The following SYNJ2 variants were observed in gnomAD, a reference collection of about 807,000 sequenced individuals.
SYNJ2 encodes the protein synaptojanin 2, also known as polyphosphatidylinositol phosphatase SYNJ2.
Under a neutral mutation model 141.3 loss-of-function variants are expected in SYNJ2, and 116 were observed. That is an observed-to-expected ratio of 0.82 (90% confidence interval 0.71 to 0.96). SYNJ2 has a LOEUF of 0.96. Among genes scored for constraint, SYNJ2 ranks in the 40% least tolerant of loss-of-function variants. SYNJ2 has a pLI of 0.00. For missense variants in SYNJ2, 1,873 were observed against 1,934.8 expected, an observed-to-expected ratio of 0.97 and a Z score of 0.60; for synonymous variants, 745 against 777.7, an observed-to-expected ratio of 0.96 and a Z score of 0.70.
Position 158,064,836 on chromosome 6 carries a change from T to C in SYNJ2, c.1370T>C (p.Leu457Pro). The C allele has an allele frequency of 9.3e-6, 15 of 1,608,444 alleles. No individual in the cohort carries two copies. The highest frequency in any genetic ancestry group is 1.2e-5 in the Non-Finnish European group (14 of 1,176,000). The change falls in exon 11 of 27, where the codon CTG becomes CCG. Residue 457 changes from leucine (L) to proline (P), a missense_variant. Transcript: ENST00000355585. Reference protein sequence around the residue: ...ALEGKAKVGKLKDGARSMSRT... With the variant: ...ALEGKAKVGKPKDGARSMSRT... Reference sequence around the variant, plus strand: ...CTGGGCTCTCGGCAGGTGGGGAAGCTGAAGGATGGAGCCCGGTCCATGTCT... The same window carrying C: ...CTGGGCTCTCGGCAGGTGGGGAAGCCGAAGGATGGAGCCCGGTCCATGTCT...
chr6:158,054,250 C>T (rs1780743024), intron 5 of SYNJ2, among the ~76,000 whole-genome samples: 1 of 152,006 alleles, frequency 6.6e-6, no homozygotes, highest in Admixed American at 6.6e-5. Flanking sequence ...TTCATTCATC[C>T]ATCCATCCAC....
At chr6:158,018,812 A>G (rs1778607783) in intron 2 of SYNJ2, among the ~76,000 whole-genome samples, 1 of 152,232 alleles carries the variant, frequency 6.6e-6, no homozygotes, top group African/African-American at 2.4e-5. Context: ...TCAGAAACTT[A>G]GTTGGGGTTT....
intron 16 of SYNJ2, among the ~76,000 whole-genome samples, chr6:158,076,299 T>C (rs1450850592): frequency 6.6e-6 from 1 of 152,094 alleles, no homozygotes; most frequent in Non-Finnish European, 1.5e-5. Flanking sequence ...GCACCAGGCA[T>C]GGGACTGTAA....
Position 158,017,287 on chromosome 6 carries a change from T to G in SYNJ2, c.211T>G (p.Ser71Ala). 1 of 1,612,742 alleles carries G rather than the reference T, an allele frequency of 6.2e-7. No individual in the cohort carries two copies. The highest frequency in any genetic ancestry group is 8.5e-7 in the Non-Finnish European group (1 of 1,179,570). ...YGCLGELRLK[S>A]GGTSLSFLVL... ...CTGCCTGGGGGAGCTGAGGCTGAAA[T>G]CTGGTGAGTAGCCGCTCGCTGGAGG... The change falls in exon 2 of 27, where the codon TCT becomes GCT. Residue 71 changes from serine (S) to alanine (A), a missense_variant. By Grantham distance (99) the Ser-to-Ala change is moderately conservative. Coordinates refer to ENST00000355585, the MANE Select transcript of SYNJ2 (RefSeq NM_003898.4).
At chr6:158,009,445 C>T (rs1483952411) in intron 1 of SYNJ2, among the ~76,000 whole-genome samples, 4 of 152,168 alleles carry the variant, frequency 2.6e-5, no homozygotes, top group Non-Finnish European at 5.9e-5. Flanking sequence ...GTCTCTGTCC[C>T]TGGAAGGGTG....
At chr6:158,006,525 T>G (rs766489152) in intron 1 of SYNJ2, among the ~76,000 whole-genome samples, 1 of 152,196 alleles carries the variant, frequency 6.6e-6, no homozygotes, top group Non-Finnish European at 1.5e-5. Flanking sequence ...TTCTTGTATC[T>G]TCTTGGTCAC....
chr6:158,067,945 CTCT>C, intron 12 of SYNJ2: 1 of 985,166 alleles, frequency 1.0e-6, no homozygotes, highest in East Asian at 1.1e-4. Context: ...AAAGTGACTC[CTCT>C]TCTTTTCCCT....
chr6:158,035,624 C>T (rs1278217022), intron 4 of SYNJ2, among the ~76,000 whole-genome samples: 2 of 152,122 alleles, frequency 1.3e-5, no homozygotes, highest in African/African-American at 4.8e-5. Flanking sequence ...TCCTCTCTTC[C>T]TATTGGGATG....
chr6:158,096,448 TA>T lies in SYNJ2; in HGVS notation c.*87del. ...CCCTCCACCAGAAGAGACATCTATT[TA>T]AAGGCACACTGGCCAAAACGTTTGT... is the stretch of plus-strand genomic sequence containing the variant. On this transcript the variant is annotated 3_prime_UTR_variant, in exon 27 of 27. Transcript: ENST00000355585. 1.4e-6 allele frequency: 2 copies of T among 1,466,238 alleles called. No individual in the cohort carries two copies. The highest frequency in any genetic ancestry group is 9.0e-7 in the Non-Finnish European group (1 of 1,105,452). 90.8% of individuals were successfully genotyped at this position (1,466,238 alleles called of 1,614,324 possible). A position where few individuals can be genotyped will look rare whatever the true frequency, so the allele number is the denominator to read the frequency against.
intron 1 of SYNJ2, among the ~76,000 whole-genome samples, chr6:158,005,547 C>T (rs1778036784): frequency 7.2e-6 from 1 of 138,290 alleles, no homozygotes; most frequent in Admixed American, 7.3e-5. Context: ...CCTGGTGAAA[C>T]CTCAGCCCTG....
intron 4 of SYNJ2, among the ~76,000 whole-genome samples, chr6:158,039,600 T>C (rs1419605683): frequency 6.6e-6 from 1 of 152,204 alleles, no homozygotes; most frequent in African/African-American, 2.4e-5. Context: ...CTCCATAAGC[T>C]TTGCTTATGG....
chr6:158,061,142 T>G (rs1416939110), intron 7 of SYNJ2, among the ~76,000 whole-genome samples: 1 of 152,186 alleles, frequency 6.6e-6, no homozygotes, highest in Non-Finnish European at 1.5e-5. Flanking sequence ...GGCAGTCACG[T>G]TGAGTCAGAT....
At chr6:158,057,594 A>G (rs1465099992) in intron 6 of SYNJ2, among the ~76,000 whole-genome samples, 1 of 152,236 alleles carries the variant, frequency 6.6e-6, no homozygotes, top group African/African-American at 2.4e-5. Context: ...TTGGGACAGC[A>G]TAGAGTAATG....
At chr6:158,066,699 AC>A in intron 12 of SYNJ2, 64 bp downstream of exon 12, 1 of 1,558,224 alleles carries the variant, frequency 6.4e-7, no homozygotes, top group Non-Finnish European at 8.7e-7. Flanking sequence ...GTCACGCTTG[AC>A]CCTTTAGTGG....
chr6:158,045,099 CTTTTTTTTTTTTTTTT>C (rs761042284), intron 5 of SYNJ2, among the ~76,000 whole-genome samples: 1 of 112,284 alleles, frequency 8.9e-6, no homozygotes, highest in South Asian at 3.7e-4. Context: ...AGGGGTCCTC[CTTTTTTTTTTTTTTTT>C]TTTTTTTTTT....
chr6:158,015,768 T>G (rs769464656), intron 1 of SYNJ2, among the ~76,000 whole-genome samples: 2 of 152,242 alleles, frequency 1.3e-5, no homozygotes, highest in Non-Finnish European at 2.9e-5. Flanking sequence ...ATTGCTATAC[T>G]ATAACATTTT....
intron 24 of SYNJ2, among the ~76,000 whole-genome samples, chr6:158,089,107 G>C (rs1446422406): frequency 6.6e-6 from 1 of 152,168 alleles, no homozygotes; most frequent in African/African-American, 2.4e-5. Context: ...AATTCAGGTC[G>C]TTATCCTGGG....
intron 16 of SYNJ2, 122 bp downstream of exon 16, chr6:158,074,860 T>C: frequency 8.3e-7 from 1 of 1,208,302 alleles, no homozygotes; most frequent in Non-Finnish European, 1.2e-6. Flanking sequence ...TCCAACATTG[T>C]AGAAAATAGG....
chr6:158,079,467 G>A (rs1411908302), intron 18 of SYNJ2: 6 of 151,604 alleles, frequency 4.0e-5, no homozygotes, highest in African/African-American at 9.7e-5. Context: ...CCACCCCCAG[G>A]GTATAAGTGA....
Sources: allele counts gnomAD v4.1 joint callset (sites outside exome capture counted in the v4.1 genomes callset), GRCh38; gene constraint gnomAD v4.1.1; transcripts MANE v1.5; gene names NCBI Gene and HGNC (gene_info 2026-07-23, HGNC 2026-07-21).